The following MCF2L variants were observed in gnomAD, a reference collection of about 807,000 sequenced individuals.
MCF2L encodes the protein MCF.2 cell line derived transforming sequence like, also known as guanine nucleotide exchange factor DBS.
A neutral mutation model predicts 153.4 loss-of-function variants in MCF2L; 97 were observed. The ratio of observed to expected loss-of-function variants is 0.63; its 90% CI spans 0.54 to 0.75. The LOEUF (loss-of-function observed/expected upper bound fraction) is 0.75, where lower values mean the gene tolerates loss of function less well. Ranked by LOEUF, MCF2L falls within the 30% of genes least tolerant of loss-of-function variation. MCF2L has a pLI of 0.00. For missense variants in MCF2L, 1,347 were observed against 1,495.2 expected (o/e 0.90, Z 1.64); for synonymous variants, 659 against 632.2 (o/e 1.04, Z -0.64).
Position 112,912,563 on chromosome 13 carries a change from C to T in MCF2L, c.169+10192C>T, listed in dbSNP as rs4907559. Among the ~76,000 whole-genome samples, 862 of 152,264 alleles carry T rather than the reference C, an allele frequency of 5.7e-3. 32 individuals are homozygous for T. The highest frequency in any genetic ancestry group is 0.047 in the Admixed American group (712 of 15,292). On this transcript the variant is annotated intron_variant, in intron 2 of 29. Transcript: ENST00000375608. ...AACTCCTGACCTCAGGTGATTCACCCGCCTTGGCCTCCCAAAGTGCTGAGA... is the reference window on the plus strand; with the variant it reads ...AACTCCTGACCTCAGGTGATTCACCTGCCTTGGCCTCCCAAAGTGCTGAGA...
rs1307183779 is a variant in MCF2L, at chr13:113,027,757, C to T, written c.278+2999C>T. ...GTGGCAGGAAGGCAGTTATTAAGCCCATGTTATAGATGAGGCTTAATAACA... is the reference window on the plus strand; with the variant it reads ...GTGGCAGGAAGGCAGTTATTAAGCCTATGTTATAGATGAGGCTTAATAACA... On this transcript the variant is annotated intron_variant, in intron 3 of 29. Transcript: ENST00000535094. The surrounding 1 kb of genome is among the most constrained non-coding windows in gnomAD (Gnocchi z 4.8). Among the ~76,000 whole-genome samples, 1 of 152,180 alleles carries T rather than the reference C, an allele frequency of 6.6e-6. No individual in the cohort carries two copies. Among genetic ancestry groups the T allele is most frequent in the Admixed American group, 6.5e-5 (1 of 15,286 alleles).
intron 5 of MCF2L, among the ~76,000 whole-genome samples, chr13:113,061,715 C>CCTCCCT (rs1317191711): frequency 1.1e-5 from 1 of 88,822 alleles, no homozygotes; most frequent in Non-Finnish European, 2.4e-5. Flanking sequence ...CTTGCCCTCC[C>CCTCCCT]CTCCCCCTTG....
At chr13:113,022,789 G>A (rs1409705303) in intron 2 of MCF2L, among the ~76,000 whole-genome samples, 1 of 152,260 alleles carries the variant, frequency 6.6e-6, no homozygotes, top group Admixed American at 6.5e-5. Flanking sequence ...GCGGCTGAGG[G>A]GAGGCTTGTC....
intron 3 of MCF2L, among the ~76,000 whole-genome samples, chr13:113,033,302 G>A (rs1180119092): frequency 1.7e-4 from 13 of 75,510 alleles, no homozygotes; most frequent in Non-Finnish European, 2.8e-4. Context: ...AGTGGACCCC[G>A]TGGCGTGAGT....
At chr13:113,026,609 C>G (rs1594734490) in intron 3 of MCF2L, among the ~76,000 whole-genome samples, 1 of 152,202 alleles carries the variant, frequency 6.6e-6, no homozygotes, top group East Asian at 1.9e-4. Context: ...CTTCTGTGTT[C>G]TTAATGCCGA....
At chr13:113,015,957 C>A (rs1184670145) in intron 2 of MCF2L, among the ~76,000 whole-genome samples, 1 of 152,178 alleles carries the variant, frequency 6.6e-6, no homozygotes, top group Non-Finnish European at 1.5e-5. Flanking sequence ...CTCCCCGCCC[C>A]TTTCACAACC....
In MCF2L at chr13:112,993,918, G is replaced by A. The variant is rs1423577043; in HGVS notation, c.80-20845G>A. ...GCGAAGAAGGTGAGATCCACAGCTCGATTTCCCTTCAGATAAAAGGCACAA... is the reference window on the plus strand; with the variant it reads ...GCGAAGAAGGTGAGATCCACAGCTCAATTTCCCTTCAGATAAAAGGCACAA... On this transcript the variant is annotated intron_variant, in intron 1 of 29. Coordinates refer to ENST00000535094, the MANE Select transcript of MCF2L (RefSeq NM_001112732.3). This position sits in a 1 kb window ranked among gnomAD's most constrained non-coding sequence, Gnocchi z 4.6. Among the ~76,000 whole-genome samples, 1 of 132,674 alleles carries A rather than the reference G, an allele frequency of 7.5e-6. No individual in the cohort carries two copies. Among genetic ancestry groups the A allele is most frequent in the Non-Finnish European group, 1.6e-5 (1 of 63,778 alleles). 87.0% of individuals were successfully genotyped at this position (132,674 alleles called of 152,430 possible).
upstream of MCF2L, among the ~76,000 whole-genome samples, chr13:112,967,304 G>T (rs192580160): frequency 6.6e-6 from 1 of 151,944 alleles, no homozygotes; most frequent in African/African-American, 2.4e-5. Flanking sequence ...CAATTGTGCC[G>T]CCGTAGGCAC....
At chr13:113,002,877 G>C (rs1230796851) in intron 1 of MCF2L, among the ~76,000 whole-genome samples, 1 of 152,086 alleles carries the variant, frequency 6.6e-6, no homozygotes, top group South Asian at 2.1e-4. Flanking sequence ...CAATTTTAAA[G>C]TAAAGAACTG....
At chr13:113,002,079 C>G in intron 1 of MCF2L, 3 of 1,362,336 alleles carry the variant, frequency 2.2e-6, no homozygotes, top group Non-Finnish European at 2.9e-6. Context: ...TGGGCCCAGC[C>G]CTGTCCTCAG....
chr13:113,077,060 G>T lies in MCF2L; in HGVS notation c.1509G>T (p.Val503=). 3 of 1,611,604 alleles carry T rather than the reference G, an allele frequency of 1.9e-6. No individual in the cohort carries two copies. The highest frequency in any genetic ancestry group is 2.5e-6 in the Non-Finnish European group (3 of 1,179,020). The change falls in exon 13 of 30, where the codon GTG becomes GTT. Residue 503 remains valine, a synonymous_variant. Transcript: ENST00000535094. ...SILNQDLMEH[V]RKVFQKQASM... Reference sequence around the variant, plus strand: ...TGAGCATGCGGTTTCAGGAGCACGTGCGAAAGGTCTTCCAGAAGCAGGCAA... The same window carrying T: ...TGAGCATGCGGTTTCAGGAGCACGTTCGAAAGGTCTTCCAGAAGCAGGCAA...
At chr13:112,900,264 G>A (rs1049994621) in intron 1 of MCF2L, among the ~76,000 whole-genome samples, 3 of 152,208 alleles carry the variant, frequency 2.0e-5, no homozygotes, top group Non-Finnish European at 4.4e-5. Context: ...ACCTGCGCCA[G>A]GTTGTCCTCA....
chr13:113,001,668 T>C, intron 1 of MCF2L: 1 of 1,327,856 alleles, frequency 7.5e-7, no homozygotes, highest in Non-Finnish European at 9.6e-7. Context: ...TCGCAACAGT[T>C]AAGCTGCCTG....
chr13:113,071,463 A>G (rs2032911368), intron 9 of MCF2L, among the ~76,000 whole-genome samples: 1 of 152,224 alleles, frequency 6.6e-6, no homozygotes, highest in African/African-American at 2.4e-5. Flanking sequence ...TTGGTCCTAG[A>G]TTCCAAGTAT....
chr13:112,950,896 A>C (rs889896254), intron 2 of MCF2L, among the ~76,000 whole-genome samples: 1 of 152,248 alleles, frequency 6.6e-6, no homozygotes, highest in Admixed American at 6.5e-5. Context: ...CCTTACCAGC[A>C]TTGAAAACTT....
intron 4 of MCF2L, among the ~76,000 whole-genome samples, chr13:113,051,988 G>A (rs1386727230): frequency 2.0e-5 from 3 of 152,116 alleles, no homozygotes; most frequent in East Asian, 1.9e-4. Flanking sequence ...CATGAGTTTC[G>A]AAGTTTGGTA....
At chr13:113,090,482 C>T (rs2035102445) in intron 26 of MCF2L, 1 of 981,824 alleles carries the variant, frequency 1.0e-6, no homozygotes, top group Non-Finnish European at 1.2e-6. Flanking sequence ...GAGTTCCCTG[C>T]AGGGTGCTGA....
At chr13:113,090,655 A>G in intron 26 of MCF2L, 1 of 985,458 alleles carries the variant, frequency 1.0e-6, no homozygotes, top group Non-Finnish European at 1.2e-6. Flanking sequence ...TGGCGGGGAA[A>G]TGGGCCCAGG....
At chr13:112,949,813 A>T (rs2081673716) in intron 2 of MCF2L, among the ~76,000 whole-genome samples, 1 of 152,200 alleles carries the variant, frequency 6.6e-6, no homozygotes, top group Admixed American at 6.5e-5. Flanking sequence ...AAAACTATAT[A>T]CTTTCTCCAT....
Sources: allele counts gnomAD v4.1 joint callset (sites outside exome capture counted in the v4.1 genomes callset), GRCh38; gene constraint gnomAD v4.1.1; non-coding constraint Gnocchi (gnomAD v3.1); transcripts MANE v1.5; gene names NCBI Gene and HGNC (gene_info 2026-07-23, HGNC 2026-07-21).